The following NTM variants were observed in gnomAD, a reference collection of about 807,000 sequenced individuals.
The protein encoded by NTM is neurotrimin, also known as IgLON family member 2.
Under a neutral mutation model 42.1 loss-of-function variants are expected in NTM, and 13 were observed. That is an observed-to-expected ratio of 0.31 (90% CI 0.20 to 0.49). The LOEUF (loss-of-function observed/expected upper bound fraction) is 0.49, where lower values mean the gene tolerates loss of function less well. Among genes scored for constraint, NTM ranks in the 20% least tolerant of loss-of-function variants. NTM has a pLI of 0.99. For missense variants in NTM, 373 were observed against 452.8 expected (o/e 0.82, Z 1.60); for synonymous variants, 187 against 179.2 (o/e 1.04, Z -0.35).
intron 7 of NTM, among the ~76,000 whole-genome samples, chr11:132,323,949 GA>G (rs1262740353): frequency 1.3e-5 from 2 of 148,702 alleles, no homozygotes; most frequent in Non-Finnish European, 3.0e-5. Context: ...AATAGATGCA[GA>G]AAAGGCCTTT....
intron 1 of NTM, among the ~76,000 whole-genome samples, chr11:131,511,712 T>A (rs2048276474): frequency 6.6e-6 from 1 of 152,236 alleles, no homozygotes; most frequent in Admixed American, 6.5e-5. Context: ...CTGTGGCACC[T>A]GGCAGCTGCG....
At position 131,863,421 on chromosome 11, in the gene NTM, G is replaced by A. The variant is rs186207350; in HGVS notation, c.83-48143G>A. On this transcript the variant is annotated intron_variant, in intron 1 of 8. Transcript: ENST00000683400. Reference sequence around the variant, plus strand: ...GTCCTCCTGACTCCACTGTGCAGCAGGCTGAGTGCAGTCAGACTGTCATTG... The same window carrying A: ...GTCCTCCTGACTCCACTGTGCAGCAAGCTGAGTGCAGTCAGACTGTCATTG... Among the ~76,000 whole-genome samples the A allele has an allele frequency of 1.8e-4, 27 of 152,290 alleles. No individual in the cohort carries two copies. The East Asian group carries it at 4.8e-3, about 27-fold the overall frequency.
intron 1 of NTM, among the ~76,000 whole-genome samples, chr11:131,792,836 T>C (rs1443223218): frequency 6.6e-6 from 1 of 152,260 alleles, no homozygotes; most frequent in East Asian, 1.9e-4. Flanking sequence ...AAGGTTTGTT[T>C]TCTGTAGATC....
chr11:131,871,215 C>A (rs1402658268), intron 1 of NTM, among the ~76,000 whole-genome samples: 2 of 152,208 alleles, frequency 1.3e-5, no homozygotes, highest in Non-Finnish European at 2.9e-5. Flanking sequence ...TGAGTCTTGG[C>A]AGCTCAGAGT....
intron 1 of NTM, among the ~76,000 whole-genome samples, chr11:131,437,013 C>T (rs570418080): frequency 6.6e-6 from 1 of 152,292 alleles, no homozygotes; most frequent in South Asian, 2.1e-4. Context: ...CAAATAACAT[C>T]TTTATTTCTG....
intron 1 of NTM, among the ~76,000 whole-genome samples, chr11:131,866,012 C>CCACA (rs148426420): frequency 0.24 from 7,358 of 30,468 alleles, 1,700 homozygotes; most frequent in African/African-American, 0.42. Context: ...TACACACATG[C>CCACA]CACACTCTCA....
chr11:131,883,275 A>G (rs1381396535), intron 1 of NTM, among the ~76,000 whole-genome samples: 1 of 152,236 alleles, frequency 6.6e-6, no homozygotes, highest in Non-Finnish European at 1.5e-5. Flanking sequence ...TTCAAAGGTC[A>G]CGCTATCTCC....
intron 1 of NTM, among the ~76,000 whole-genome samples, chr11:131,683,474 C>T (rs1215234244): frequency 6.6e-6 from 1 of 152,150 alleles, no homozygotes; most frequent in African/African-American, 2.4e-5. Context: ...AGGTTGATGC[C>T]TTAGGAGCTG....
chr11:131,998,405 GC>G (rs901761305), intron 2 of NTM, among the ~76,000 whole-genome samples: 2 of 152,070 alleles, frequency 1.3e-5, no homozygotes, highest in Non-Finnish European at 2.9e-5. Flanking sequence ...TGCATCCTGG[GC>G]CCCCCTTGTC....
At chr11:131,926,749 G>T (rs1231039486) in intron 2 of NTM, among the ~76,000 whole-genome samples, 1 of 152,192 alleles carries the variant, frequency 6.6e-6, no homozygotes, top group African/African-American at 2.4e-5. Flanking sequence ...GGTAGTTTCC[G>T]TGTGGACTTT....
chr11:131,588,693 A>G (rs758266579), intron 1 of NTM, among the ~76,000 whole-genome samples: 1 of 152,216 alleles, frequency 6.6e-6, no homozygotes, highest in Non-Finnish European at 1.5e-5. Flanking sequence ...CAAATTTTTA[A>G]CACTTGTAAT....
Position 132,128,800 on chromosome 11 carries a change from C to T in NTM, c.168-17482C>T, listed in dbSNP as rs529266692. ...AAAATAAAATAAAATTAGCCGAGTGCGGTGGCGGGCACCTGTAGTCCCCGC... is the reference window on the plus strand; with the variant it reads ...AAAATAAAATAAAATTAGCCGAGTGTGGTGGCGGGCACCTGTAGTCCCCGC... On this transcript the variant is annotated intron_variant, in intron 2 of 8. Coordinates refer to ENST00000683400, the MANE Select transcript of NTM (RefSeq NM_001352005.2). Among the ~76,000 whole-genome samples the T allele has an allele frequency of 8.6e-5, 13 of 151,286 alleles. No individual in the cohort carries two copies. The East Asian group carries it at 1.2e-3, about 14-fold the overall frequency.
intron 3 of NTM, among the ~76,000 whole-genome samples, chr11:132,149,139 T>C (rs1296862402): frequency 6.6e-6 from 1 of 150,660 alleles, no homozygotes; most frequent in Non-Finnish European, 1.5e-5. Flanking sequence ...AGAGCCAAAC[T>C]GACCCCCTCT....
intron 1 of NTM, among the ~76,000 whole-genome samples, chr11:131,371,727 T>C (rs1170837241): frequency 6.6e-6 from 1 of 151,770 alleles, no homozygotes; most frequent in African/African-American, 2.4e-5. Flanking sequence ...CCATCCCGGC[T>C]CTCACGTCTG....
intron 2 of NTM, among the ~76,000 whole-genome samples, chr11:132,126,688 G>A (rs555271760): frequency 2.6e-5 from 4 of 152,182 alleles, no homozygotes; most frequent in Non-Finnish European, 5.9e-5. Flanking sequence ...GGGCAAGAAT[G>A]GAAATGCGGA....
chr11:132,117,583 T>C (rs539941773), intron 2 of NTM, among the ~76,000 whole-genome samples: 1 of 152,338 alleles, frequency 6.6e-6, no homozygotes, highest in East Asian at 1.9e-4. Flanking sequence ...CCTTTGATTC[T>C]TCCCAGGCTA....
chr11:131,837,040 C>T (rs1304651716), intron 1 of NTM, among the ~76,000 whole-genome samples: 1 of 152,148 alleles, frequency 6.6e-6, no homozygotes, highest in African/African-American at 2.4e-5. Flanking sequence ...AATTATTTTT[C>T]ACTTTGTCCT....
chr11:131,563,296 A>G (rs1320915369), intron 1 of NTM, among the ~76,000 whole-genome samples: 3 of 152,226 alleles, frequency 2.0e-5, no homozygotes, highest in Non-Finnish European at 4.4e-5. Context: ...GAAGGAAAAT[A>G]TTAATTTTAA....
intron 2 of NTM, among the ~76,000 whole-genome samples, chr11:132,040,262 A>G (rs1228834699): frequency 2.0e-5 from 3 of 152,242 alleles, no homozygotes; most frequent in Admixed American, 6.5e-5. Flanking sequence ...TAAATATTAT[A>G]GTTGCTTATT....
Sources: allele counts gnomAD v4.1 joint callset (sites outside exome capture counted in the v4.1 genomes callset), GRCh38; gene constraint gnomAD v4.1.1; transcripts MANE v1.5; gene names NCBI Gene and HGNC (gene_info 2026-07-23, HGNC 2026-07-21).